ADAM9: variants seen among roughly 807,000 people sequenced by gnomAD.
ADAM9 encodes ADAM metallopeptidase domain 9, also known as disintegrin and metalloproteinase domain-containing protein 9.
ADAM9 carries 54 observed loss-of-function variants against 108.1 expected under a neutral mutation model. The ratio of observed to expected loss-of-function variants is 0.50; its 90% confidence interval spans 0.40 to 0.63. The LOEUF is 0.63. Among genes scored for constraint, ADAM9 ranks in the 20% least tolerant of loss-of-function variants. The pLI is 0.00. For synonymous variants in ADAM9, 316 were observed against 336.0 expected, an observed-to-expected ratio of 0.94 and a Z score of 0.65; for missense variants, 830 against 997.7, an observed-to-expected ratio of 0.83 and a Z score of 2.26.
At chr8:39,045,850 CT>C (rs1301649867) in intron 12 of ADAM9, among the ~76,000 whole-genome samples, 1 of 150,564 alleles carries the variant, frequency 6.6e-6, no homozygotes, top group Non-Finnish European at 1.5e-5. Context: ...TAAGCATTCC[CT>C]TTTTTCTGCA....
rs779103415 is a variant in ADAM9 at position 39,082,674 on chromosome 8, G to C, written c.1915G>C (p.Val639Leu). The C allele has an allele frequency of 2.5e-6, 4 of 1,610,652 alleles. No homozygotes were observed. The highest frequency in any genetic ancestry group is 3.4e-6 in the Non-Finnish European group (4 of 1,178,890). ...AAACTTCCAGTGTGTAGATGCTTCT[G>C]TTCTGAATTATGACTGTGATGTTCA... ...CRNFQCVDAS[V>L]LNYDCDVQKK... The change falls in exon 17 of 22, where the codon GTT becomes CTT. Residue 639 changes from valine to leucine, a missense_variant. By Grantham distance (32) the Val-to-Leu change is conservative. Around this residue, in one of 3 missense-constraint regions of ADAM9, gnomAD observed 238 missense variants for 235.7 expected, o/e 1.01. Coordinates refer to ENST00000487273, the MANE Select transcript of ADAM9 (RefSeq NM_003816.3).
At chr8:39,058,009 C>T (rs555707424) in intron 14 of ADAM9, among the ~76,000 whole-genome samples, 2 of 152,264 alleles carry the variant, frequency 1.3e-5, no homozygotes, top group African/African-American at 2.4e-5. Context: ...ATAATTCCAC[C>T]TAGCATGATA....
chr8:39,011,368 T>C (rs540931042), intron 2 of ADAM9, among the ~76,000 whole-genome samples: 1 of 152,330 alleles, frequency 6.6e-6, no homozygotes, highest in East Asian at 1.9e-4. Flanking sequence ...AATACATCGA[T>C]GGACTTGAGA....
Position 39,104,079 on chromosome 8 carries a change from T to C in ADAM9, c.*379T>C. 1 of 462,624 alleles carries C rather than the reference T, an allele frequency of 2.2e-6. No individual in the cohort carries two copies. The highest frequency in any genetic ancestry group is 1.5e-5 in the South Asian group (1 of 64,540). 28.7% of individuals were successfully genotyped at this position (462,624 alleles called of 1,614,324 possible). On this transcript the variant is annotated 3_prime_UTR_variant, in exon 22 of 22. Transcript: ENST00000487273. Reference sequence around the variant, plus strand: ...GTTATTCTGAATTTTCTACCTTAGTTATCATTAATGTAGTTCCTCATTGAA... The same window carrying C: ...GTTATTCTGAATTTTCTACCTTAGTCATCATTAATGTAGTTCCTCATTGAA...
At chr8:39,077,093 C>T (rs1028546331) in intron 15 of ADAM9, 135 bp from the exon 16 acceptor site, 7 of 977,886 alleles carry the variant, frequency 7.2e-6, no homozygotes, top group East Asian at 2.6e-5. Flanking sequence ...TTTGACCTCT[C>T]TTGCTCTCAT....
At chr8:39,018,336 G>A (rs747982577) in intron 6 of ADAM9, among the ~76,000 whole-genome samples, 2 of 151,944 alleles carry the variant, frequency 1.3e-5, no homozygotes, top group Non-Finnish European at 1.5e-5. Flanking sequence ...ATTCTACTTC[G>A]CATGAATTTC....
intron 4 of ADAM9, chr8:39,014,334 T>C (rs1836456278): frequency 3.7e-6 from 2 of 545,832 alleles, no homozygotes; most frequent in African/African-American, 1.9e-5. Context: ...GTTTTGAAAA[T>C]AGGAGTTTCT....
Position 39,037,291 on chromosome 8 carries a change from C to T in ADAM9, c.1131-4655C>T, listed in dbSNP as rs1259161893. Among the ~76,000 whole-genome samples the T allele has an allele frequency of 2.0e-5, 3 of 146,450 alleles. No individual in the cohort carries two copies. The East Asian group carries it at 6.1e-4, about 30-fold the overall frequency. The stretch of plus-strand genomic sequence containing the variant: ...GTCTCGATCTCCTGACCTCGTGATC[C>T]ACCCGCCTCGGCCTCCCAAAGTGCT... On this transcript the variant is annotated intron_variant, in intron 11 of 21. Transcript: ENST00000487273.
intron 14 of ADAM9, among the ~76,000 whole-genome samples, chr8:39,067,632 A>G (rs2129440822): frequency 6.6e-6 from 1 of 152,366 alleles, no homozygotes; most frequent in South Asian, 2.1e-4. Context: ...TATCAGCTTA[A>G]GGAGATTTTG....
chr8:39,096,127 C>T (rs371113798), intron 20 of ADAM9, among the ~76,000 whole-genome samples: 1 of 125,950 alleles, frequency 7.9e-6, no homozygotes, highest in Non-Finnish European at 1.8e-5. Flanking sequence ...ACATGGGGTA[C>T]ATGTGATATT....
chr8:39,031,354 A>G (rs1283073642), intron 11 of ADAM9, among the ~76,000 whole-genome samples: 1 of 152,192 alleles, frequency 6.6e-6, no homozygotes, highest in Admixed American at 6.5e-5. Flanking sequence ...CCTTTGTCAG[A>G]GATCAGTTAG....
Position 38,997,042 on chromosome 8 carries a change from G to T in ADAM9, c.-22G>T. The T allele has an allele frequency of 6.2e-7, 1 of 1,605,006 alleles. No homozygotes were observed. The highest frequency in any genetic ancestry group is 8.5e-7 in the Non-Finnish European group (1 of 1,179,254). ...AGGTGGAGGCGACCGAGTGCTGAGA[G>T]GAACCTGCGGAATCGGCCGAGATGG... On this transcript the variant is annotated 5_prime_UTR_variant, in exon 1 of 22. The change creates a new upstream start codon in the 5' untranslated region. Transcript: ENST00000487273.
At chr8:39,006,914 T>C (rs1836182190) in intron 1 of ADAM9, among the ~76,000 whole-genome samples, 2 of 152,240 alleles carry the variant, frequency 1.3e-5, no homozygotes, top group African/African-American at 4.8e-5. Context: ...GTTGAGTATG[T>C]ATTTGTCAGA....
At chr8:39,014,271 G>A in intron 4 of ADAM9, 4 of 566,390 alleles carry the variant, frequency 7.1e-6, no homozygotes. Context: ...TAAAGACTAG[G>A]AAAATAAATC....
At chr8:39,099,767 C>CTTGCT (rs1391561932) in intron 20 of ADAM9, among the ~76,000 whole-genome samples, 1 of 151,914 alleles carries the variant, frequency 6.6e-6, no homozygotes, top group East Asian at 1.9e-4. Flanking sequence ...TTAAATCAAG[C>CTTGCT]TAATTAACAT....
At chr8:39,043,144 G>GTA (rs1403997167) in intron 12 of ADAM9, among the ~76,000 whole-genome samples, 1 of 152,092 alleles carries the variant, frequency 6.6e-6, no homozygotes, top group Non-Finnish European at 1.5e-5. Flanking sequence ...GTATATGTAT[G>GTA]TATGTATGTA....
intron 12 of ADAM9, among the ~76,000 whole-genome samples, chr8:39,044,316 A>T (rs2129436554): frequency 6.6e-6 from 1 of 152,256 alleles, no homozygotes; most frequent in South Asian, 2.1e-4. Context: ...GTTGATATCC[A>T]GTTTTCCACG....
chr8:39,086,179 T>A (rs531849568), intron 18 of ADAM9, among the ~76,000 whole-genome samples: 1 of 152,222 alleles, frequency 6.6e-6, no homozygotes, highest in East Asian at 1.9e-4. Context: ...CACGCCTGGC[T>A]AACTTTTGTA....
chr8:39,012,492 C>G (rs1229843859), intron 3 of ADAM9, among the ~76,000 whole-genome samples: 1 of 152,212 alleles, frequency 6.6e-6, no homozygotes, highest in Non-Finnish European at 1.5e-5. Context: ...AAGACACATG[C>G]ACACATATGT....
Sources: gnomAD v4.1 joint callset for allele counts (sites outside exome capture counted in the v4.1 genomes callset) on GRCh38, gnomAD v4.1.1 for gene constraint, gnomAD v4.1.1 regional missense constraint, MANE v1.5 for transcripts, NCBI Gene and HGNC (gene_info 2026-07-23, HGNC 2026-07-21) for gene names.